Variants in DBT observed in about 807,000 individuals in gnomAD.
The protein encoded by DBT is dihydrolipoamide branched chain transacylase E2.
A neutral mutation model predicts 51.3 loss-of-function variants in DBT; 40 were observed. The observed-to-expected ratio is 0.78, with a 90% CI of 0.61 to 1.02. The LOEUF (loss-of-function observed/expected upper bound fraction) is 1.02. Ranked by LOEUF, DBT falls within the 50% of genes least tolerant of loss-of-function variation. The pLI is 0.00. For synonymous variants in DBT, 181 were observed against 190.4 expected, an observed-to-expected ratio of 0.95 and a Z score of 0.41; for missense variants, 510 against 580.2, an observed-to-expected ratio of 0.88 and a Z score of 1.24.
intron 3 of DBT, among the ~76,000 whole-genome samples, chr1:100,232,292 GGTTGTT>G (rs35509059): frequency 4.5e-4 from 67 of 150,532 alleles, no homozygotes; most frequent in South Asian, 3.2e-3. Context: ...GGAGCATCTG[GGTTGTT>G]GTTGTTGTTG....
At chr1:100,243,494 T>C (rs982113684) in intron 1 of DBT, among the ~76,000 whole-genome samples, 12 of 151,762 alleles carry the variant, frequency 7.9e-5, no homozygotes, top group African/African-American at 2.7e-4. Context: ...TTTTTTTGTG[T>C]GTATTTTAGT....
At chr1:100,246,089 C>T (rs1419864493) in intron 1 of DBT, among the ~76,000 whole-genome samples, 1 of 152,026 alleles carries the variant, frequency 6.6e-6, no homozygotes, top group East Asian at 1.9e-4. Context: ...CAGCGAAACC[C>T]CGTCTCTATT....
chr1:100,226,980 C>G (rs371050490), intron 4 of DBT, among the ~76,000 whole-genome samples: 7 of 152,106 alleles, frequency 4.6e-5, no homozygotes, highest in East Asian at 3.9e-4. Flanking sequence ...CACAATTATC[C>G]AAACTTGAGT....
At chr1:100,234,661 G>A (rs1210834086) in intron 3 of DBT, among the ~76,000 whole-genome samples, 1 of 152,118 alleles carries the variant, frequency 6.6e-6, no homozygotes, top group African/African-American at 2.4e-5. Flanking sequence ...GTCACAGGTA[G>A]GACAGCTAAT....
rs1429672997 is a variant in DBT at position 100,190,196 on chromosome 1, G to A, written c.*6059C>T. The A allele has an allele frequency of 6.6e-6, 1 of 152,014 alleles. No individual in the cohort carries two copies. Among genetic ancestry groups the A allele is most frequent in the African/African-American group, 2.4e-5 (1 of 41,378 alleles). 9.4% of individuals were successfully genotyped at this position (152,014 alleles called of 1,614,324 possible). On this transcript the variant is annotated 3_prime_UTR_variant, in exon 11 of 11. Transcript: ENST00000370132. ...CCAATTGGTGCTAGGGTGTAGGGAG[G>A]GGAGCATTCTGCTCTGCCTAGTCAT...
chr1:100,206,413 A>G (rs1293702497), intron 9 of DBT, 32 bp downstream of exon 9: 1 of 1,560,536 alleles, frequency 6.4e-7, no homozygotes, highest in East Asian at 2.2e-5. Flanking sequence ...AACCTTAAGT[A>G]ATGGTTTATG....
intron 10 of DBT, among the ~76,000 whole-genome samples, chr1:100,197,521 T>G (rs1333759681): frequency 6.6e-6 from 1 of 152,160 alleles, no homozygotes; most frequent in Non-Finnish European, 1.5e-5. Flanking sequence ...AGGTCCAGTC[T>G]AGAGATATAA....
rs1660891850 is a variant in DBT, at chr1:100,193,277, A to C, written c.*2978T>G. 6.6e-6 allele frequency: 1 copy of C among 152,228 alleles called. No homozygotes were observed. Among genetic ancestry groups the C allele is most frequent in the Non-Finnish European group, 1.5e-5 (1 of 68,034 alleles). The allele number at this position is 152,228 out of a possible 1,614,324, so 9.4% of individuals were successfully genotyped here. On this transcript the variant is annotated 3_prime_UTR_variant, in exon 11 of 11. Transcript: ENST00000370132. ...TTTTTCTATTCTTTAAGTGAGGAGGACATTTTTATTGATCATGTCATTATT... is the reference window on the plus strand; with the variant it reads ...TTTTTCTATTCTTTAAGTGAGGAGGCCATTTTTATTGATCATGTCATTATT...
rs1570795837 is a variant in DBT, at chr1:100,195,910, C to T, written c.*345G>A. ...AAACTTCTAACCTCAGGTGATCCGC[C>T]CACCTGGGCCTCCCAAAGTGCTGGG... is the stretch of plus-strand genomic sequence containing the variant. On this transcript the variant is annotated 3_prime_UTR_variant, in exon 11 of 11. Transcript: ENST00000370132. The T allele has an allele frequency of 6.8e-6, 2 of 294,928 alleles. No homozygotes were observed. Among genetic ancestry groups the T allele is most frequent in the Non-Finnish European group, 1.3e-5 (2 of 152,990 alleles). The allele number at this position is 294,928 out of a possible 1,614,324, so 18.3% of individuals were successfully genotyped here. A position where few individuals can be genotyped will look rare whatever the true frequency, so the allele number is the denominator to read the frequency against.
At chr1:100,213,171 C>T in intron 7 of DBT, 1 of 457,266 alleles carries the variant, frequency 2.2e-6, no homozygotes, top group South Asian at 5.4e-5. Context: ...ATTTACATGT[C>T]AGGGTTACTC....
chr1:100,214,941 T>C lies in DBT; in HGVS notation c.815A>G (p.Lys272Arg), dbSNP rs1662393960. ...AMVKTMSAAL[K>R]IPHFGYCDEI... ...ATCACAATAACCAAAATGAGGTATC[T>C]TCAGGGCTGCAGACATAGTCTTGAC... Residue 272 changes from lysine to arginine, a missense_variant, in exon 7 of 11, where the codon AAG becomes AGG. Transcript: ENST00000370132. The C allele has an allele frequency of 1.9e-6, 3 of 1,612,918 alleles. No homozygotes were observed. Among genetic ancestry groups the C allele is most frequent in the Admixed American group, 3.3e-5 (2 of 60,006 alleles).
At chr1:100,218,998 C>T (rs1408388757) in intron 4 of DBT, among the ~76,000 whole-genome samples, 1 of 151,764 alleles carries the variant, frequency 6.6e-6, no homozygotes, top group African/African-American at 2.4e-5. Flanking sequence ...ATATGTCACT[C>T]CTGTTGAAAT....
At chr1:100,235,645 T>G in intron 2 of DBT, 134 bp from the exon 3 acceptor site, 1 of 576,136 alleles carries the variant, frequency 1.7e-6, no homozygotes, top group East Asian at 3.0e-5. Flanking sequence ...AAAACAGCAT[T>G]TTATAATTTT....
chr1:100,245,685 A>T (rs1480486869), intron 1 of DBT, among the ~76,000 whole-genome samples: 1 of 151,598 alleles, frequency 6.6e-6, no homozygotes, highest in Non-Finnish European at 1.5e-5. Context: ...AGGTGCAGTG[A>T]CTCATGCCTG....
At chr1:100,221,816 G>A (rs1259688536) in intron 4 of DBT, among the ~76,000 whole-genome samples, 1 of 152,044 alleles carries the variant, frequency 6.6e-6, no homozygotes. Context: ...ATTATTTCAG[G>A]TTAACTAAAT....
At chr1:100,203,894 T>C (rs1661599146) in intron 10 of DBT, among the ~76,000 whole-genome samples, 1 of 152,162 alleles carries the variant, frequency 6.6e-6, no homozygotes, top group South Asian at 2.1e-4. Flanking sequence ...TTGGATAAAA[T>C]TTAACACCCC....
intron 10 of DBT, among the ~76,000 whole-genome samples, chr1:100,199,974 T>C (rs1661346403): frequency 2.6e-5 from 4 of 152,068 alleles, no homozygotes; most frequent in Admixed American, 2.6e-4. Context: ...GGGAGGCCGT[T>C]TGGGCAGACA....
intron 10 of DBT, 65 bp downstream of exon 10, chr1:100,206,165 C>T (rs1349055271): frequency 7.5e-6 from 8 of 1,059,988 alleles, no homozygotes; most frequent in Non-Finnish European, 2.9e-6. Context: ...GAAATGGTTA[C>T]TCTTCATTGT....
At chr1:100,226,268 T>G (rs561554535) in intron 4 of DBT, among the ~76,000 whole-genome samples, 1 of 147,040 alleles carries the variant, frequency 6.8e-6, no homozygotes, top group African/African-American at 2.5e-5. Flanking sequence ...TTCTTTAAAT[T>G]TTTCTAAATT....
Sources: gnomAD v4.1 joint callset for allele counts (sites outside exome capture counted in the v4.1 genomes callset) on GRCh38, gnomAD v4.1.1 for gene constraint, MANE v1.5 for transcripts, NCBI Gene and HGNC (gene_info 2026-07-23, HGNC 2026-07-21) for gene names.